Variants in CDC5L observed in about 807,000 individuals in gnomAD.
The protein encoded by CDC5L is cell division cycle 5 like, also known as cell division cycle 5-like protein.
In CDC5L, 18 loss-of-function variants were observed where a neutral mutation model predicts 104.1. The ratio of observed to expected loss-of-function variants is 0.17; its 90% CI spans 0.12 to 0.26. The LOEUF (loss-of-function observed/expected upper bound fraction) is 0.26. Ranked by LOEUF, CDC5L falls within the 10% of genes least tolerant of loss-of-function variation. CDC5L has a pLI of 1.00. For synonymous variants in CDC5L, 331 were observed against 322.7 expected (o/e 1.03, Z -0.28); for missense variants, 673 against 956.9 (o/e 0.70, Z 3.91).
chr6:44,426,242 G>T, intron 12 of CDC5L, 59 bp downstream of exon 12: 2 of 1,206,420 alleles, frequency 1.7e-6, no homozygotes, highest in Non-Finnish European at 2.4e-6. Flanking sequence ...TGATTGCTGC[G>T]TTTTACATCA....
intron 9 of CDC5L, 65 bp from the exon 10 acceptor site, chr6:44,422,582 A>G: frequency 9.9e-7 from 1 of 1,011,228 alleles, no homozygotes; most frequent in Non-Finnish European, 1.4e-6. Flanking sequence ...TTATGTGAAA[A>G]ACATTTGAAA....
chr6:44,412,424 C>G (rs1791688166), intron 8 of CDC5L, among the ~76,000 whole-genome samples: 1 of 151,690 alleles, frequency 6.6e-6, no homozygotes, highest in African/African-American at 2.4e-5. Flanking sequence ...CAGGGTTTCG[C>G]CATATTGCCC....
intron 7 of CDC5L, among the ~76,000 whole-genome samples, chr6:44,407,190 C>T (rs1012212131): frequency 2.6e-5 from 4 of 152,092 alleles, no homozygotes; most frequent in African/African-American, 9.7e-5. Flanking sequence ...TTATGCTTTT[C>T]TTTTTTGAGA....
At chr6:44,387,959 C>A in intron 1 of CDC5L, 91 bp downstream of exon 1, 5 of 1,276,970 alleles carry the variant, frequency 3.9e-6, no homozygotes, top group Non-Finnish European at 4.4e-6. Flanking sequence ...GACGAGGAGA[C>A]CCTGTGGGGT....
In CDC5L at chr6:44,448,613, C is replaced by CT. The variant is rs1275104484; in HGVS notation, c.*1904dup. ...TTGATATTTTCCTGGTGTGTAGTCA[C>CT]TTAATTCAAATACTTTTTTCAGTAA... On this transcript the variant is annotated 3_prime_UTR_variant, in exon 16 of 16. Coordinates refer to ENST00000371477, the MANE Select transcript of CDC5L (RefSeq NM_001253.4). The CT allele has an allele frequency of 2.4e-4, 37 of 151,754 alleles. 1 individual carries two copies. Among genetic ancestry groups the CT allele is most frequent in the East Asian group, 3.9e-4 (2 of 5,100 alleles). 9.4% of individuals were successfully genotyped at this position (151,754 alleles called of 1,614,324 possible).
At chr6:44,408,323 A>G in intron 7 of CDC5L, 121 bp from the exon 8 acceptor site, 1 of 580,348 alleles carries the variant, frequency 1.7e-6, no homozygotes, top group South Asian at 3.1e-5. Flanking sequence ...GTAGGTCCCG[A>G]ACTCCTGGGC....
chr6:44,411,637 A>AGAGAGAGAGTGTGTGTGTGT, intron 8 of CDC5L, among the ~76,000 whole-genome samples: 5 of 123,644 alleles, frequency 4.0e-5, no homozygotes, highest in East Asian at 1.1e-3. Flanking sequence ...AGAGAGAGAG[A>AGAGAGAGAGTGTGTGTGTGT]GTGTGTGTGT....
At chr6:44,412,642 A>G (rs1791699669) in intron 8 of CDC5L, among the ~76,000 whole-genome samples, 1 of 151,834 alleles carries the variant, frequency 6.6e-6, no homozygotes, top group Non-Finnish European at 1.5e-5. Flanking sequence ...ATTATAGGAC[A>G]ATATAAGGGA....
chr6:44,424,469 C>G lies in CDC5L; in HGVS notation c.1455C>G (p.Ala485=), dbSNP rs752882467. The change falls in exon 11 of 16, where the codon GCC becomes GCG. Residue 485 remains alanine, a synonymous_variant. Transcript: ENST00000371477. ...HLRLGLLGLP[A]PKNDFEIVLP... is the part of the protein sequence containing the mutation. ...GTTTAGGGTTGTTGGGCCTTCCTGC[C>G]CCTAAGAATGATTTTGAAATTGTTC... The G allele has an allele frequency of 1.2e-6, 2 of 1,613,838 alleles. No homozygotes were observed. The highest frequency in any genetic ancestry group is 2.2e-5 in the South Asian group (2 of 91,064).
chr6:44,388,304 T>C (rs985655060), intron 1 of CDC5L, among the ~76,000 whole-genome samples: 5 of 152,018 alleles, frequency 3.3e-5, no homozygotes, highest in East Asian at 1.9e-4. Flanking sequence ...TGTGTCTCCA[T>C]TGACTTCCTT....
At chr6:44,395,760 C>G (rs755870985) in intron 4 of CDC5L, among the ~76,000 whole-genome samples, 1 of 152,048 alleles carries the variant, frequency 6.6e-6, no homozygotes, top group Non-Finnish European at 1.5e-5. Flanking sequence ...TTACAAGTTC[C>G]CATGTGATTT....
intron 8 of CDC5L, among the ~76,000 whole-genome samples, chr6:44,409,232 G>A (rs964683620): frequency 2.0e-5 from 3 of 152,174 alleles, no homozygotes; most frequent in Non-Finnish European, 2.9e-5. Context: ...ATCCGTAGAG[G>A]TGCCTGTTAC....
intron 2 of CDC5L, among the ~76,000 whole-genome samples, chr6:44,391,795 C>T (rs573321273): frequency 6.6e-6 from 1 of 151,754 alleles, no homozygotes; most frequent in African/African-American, 2.4e-5. Flanking sequence ...CACCTGAGGT[C>T]AGGAGTTTGA....
At chr6:44,429,015 C>CTTTTTTTTTTTTTTTT (rs922435895) in intron 13 of CDC5L, among the ~76,000 whole-genome samples, 1 of 95,596 alleles carries the variant, frequency 1.0e-5, no homozygotes, top group Non-Finnish European at 1.9e-5. Flanking sequence ...GTTTCATTAG[C>CTTTTTTTTTTTTTTTT]TTTTTTTTTT....
At chr6:44,408,025 T>C (rs1462640146) in intron 7 of CDC5L, among the ~76,000 whole-genome samples, 2 of 152,226 alleles carry the variant, frequency 1.3e-5, no homozygotes, top group Non-Finnish European at 2.9e-5. Flanking sequence ...TACGTTAATA[T>C]GTTGATTTGA....
At chr6:44,403,516 A>G (rs1009132706) in intron 5 of CDC5L, among the ~76,000 whole-genome samples, 5 of 152,030 alleles carry the variant, frequency 3.3e-5, no homozygotes, top group African/African-American at 4.8e-5. Flanking sequence ...AAAGCTGTTG[A>G]TTTTTTTCAT....
Position 44,393,786 on chromosome 6 carries a change from T to C in CDC5L, c.439+213T>C, listed in dbSNP as rs141056405. 7.9e-3 allele frequency among the ~76,000 whole-genome samples: 1,209 copies of C among 152,274 alleles called. 21 individuals are homozygous for C. The highest frequency in any genetic ancestry group is 0.028 in the African/African-American group (1,155 of 41,546). On this transcript the variant is annotated intron_variant, in intron 4 of 15. Transcript: ENST00000371477. ...CTTAAGCAATCCTCCCATCTCAGCC[T>C]CCTGAGTAGTTGGGACTACAGGTTT...
At chr6:44,396,946 G>C (rs2153375365) in intron 5 of CDC5L, among the ~76,000 whole-genome samples, 1 of 152,346 alleles carries the variant, frequency 6.6e-6, no homozygotes, top group African/African-American at 2.4e-5. Flanking sequence ...CAGCCAGTGG[G>C]TGTGTTCTTG....
rs1790609994 is a variant in CDC5L, at chr6:44,391,327, C to A, written c.149+956C>A. On this transcript the variant is annotated intron_variant, in intron 2 of 15. Transcript: ENST00000371477. ...GCAGTGGCGTGATCTCAGCTCACTG[C>A]AAGCTTTGCCTCCCGGGTTCACGCC... 2.6e-5 allele frequency among the ~76,000 whole-genome samples: 4 copies of A among 152,046 alleles called. No individual in the cohort carries two copies. The South Asian group carries it at 8.3e-4, about 32-fold the overall frequency.
Sources: gnomAD v4.1 joint callset for allele counts (sites outside exome capture counted in the v4.1 genomes callset) on GRCh38, gnomAD v4.1.1 for gene constraint, MANE v1.5 for transcripts, NCBI Gene and HGNC (gene_info 2026-07-23, HGNC 2026-07-21) for gene names.